Variants in EGFLAM observed in about 807,000 individuals in gnomAD.
EGFLAM encodes the protein EGF like, fibronectin type III and laminin G domains, also known as pikachurin.
A neutral mutation model predicts 113.1 loss-of-function variants in EGFLAM; 79 were observed. The ratio of observed to expected loss-of-function variants is 0.70; its 90% CI spans 0.58 to 0.84. The LOEUF (loss-of-function observed/expected upper bound fraction) is 0.84. Among genes scored for constraint, EGFLAM ranks in the 40% least tolerant of loss-of-function variants. EGFLAM has a pLI of 0.00. For synonymous variants in EGFLAM, 504 were observed against 487.6 expected, an observed-to-expected ratio of 1.03 and a Z score of -0.44; for missense variants, 1,265 against 1,291.6, an observed-to-expected ratio of 0.98 and a Z score of 0.32.
chr5:38,447,364 T>C (rs1046645986), intron 17 of EGFLAM, among the ~76,000 whole-genome samples: 1 of 152,196 alleles, frequency 6.6e-6, no homozygotes, highest in African/African-American at 2.4e-5. Context: ...AAATCCTCCA[T>C]GCTTTCTACT....
At chr5:38,375,063 T>G (rs111414300) in intron 6 of EGFLAM, among the ~76,000 whole-genome samples, 48 of 117,926 alleles carry the variant, frequency 4.1e-4, no homozygotes, top group Middle Eastern at 4.8e-3. Flanking sequence ...TGTTGTTGTT[T>G]TTTTTTTTTT....
chr5:38,431,348 C>G lies in EGFLAM; in HGVS notation c.2166+60C>G. The G allele has an allele frequency of 2.0e-6, 3 of 1,533,664 alleles. No individual in the cohort carries two copies. In the South Asian group the frequency reaches 3.6e-5, roughly 18 times the overall value. ...TGTGAGCCAGATTACTGTTTTCTGC[C>G]TGTCTTGGTAGAAAAGCAGCAGAGT... On this transcript the variant is annotated intron_variant, in intron 15 of 21. Transcript: ENST00000322350.
At chr5:38,399,734 A>G (rs1004559081) in intron 6 of EGFLAM, 1 of 152,186 alleles carries the variant, frequency 6.6e-6, no homozygotes, top group Non-Finnish European at 1.5e-5. Context: ...CATGACTGGA[A>G]CTTCAAGAGT....
intron 13 of EGFLAM, 82 bp from the exon 14 acceptor site, chr5:38,426,927 G>C: frequency 6.4e-7 from 1 of 1,560,848 alleles, no homozygotes. Context: ...CTGTACCCAG[G>C]AGGGAAAGAA....
At chr5:38,390,074 A>G (rs1314331165) in intron 6 of EGFLAM, among the ~76,000 whole-genome samples, 2 of 152,170 alleles carry the variant, frequency 1.3e-5, no homozygotes, top group African/African-American at 4.8e-5. Flanking sequence ...GTGGTAGAGA[A>G]AAAAATTACA....
intron 17 of EGFLAM, among the ~76,000 whole-genome samples, chr5:38,447,480 C>T (rs894486677): frequency 3.3e-5 from 5 of 152,104 alleles, no homozygotes; most frequent in African/African-American, 7.2e-5. Flanking sequence ...ATAGACCAGG[C>T]ACAGTGGCTC....
At chr5:38,282,879 C>T (rs1758053987) in intron 1 of EGFLAM, among the ~76,000 whole-genome samples, 1 of 152,126 alleles carries the variant, frequency 6.6e-6, no homozygotes, top group Non-Finnish European at 1.5e-5. Flanking sequence ...AGGTCTTCTT[C>T]TGTCACCCAG....
intron 5 of EGFLAM, among the ~76,000 whole-genome samples, chr5:38,358,329 C>T (rs942736793): frequency 3.3e-5 from 5 of 151,454 alleles, no homozygotes; most frequent in African/African-American, 1.2e-4. Flanking sequence ...CACCTGTAGT[C>T]CCAGCTACTC....
At chr5:38,283,503 G>A (rs1264554614) in intron 1 of EGFLAM, among the ~76,000 whole-genome samples, 1 of 152,166 alleles carries the variant, frequency 6.6e-6, no homozygotes, top group Admixed American at 6.5e-5. Flanking sequence ...CCAGGCACTG[G>A]TAGTAACAGC....
At chr5:38,327,427 G>A (rs1464362234) in intron 1 of EGFLAM, among the ~76,000 whole-genome samples, 1 of 152,132 alleles carries the variant, frequency 6.6e-6, no homozygotes, top group East Asian at 1.9e-4. Flanking sequence ...AAGAATATGG[G>A]AGAAAAATTG....
chr5:38,294,525 A>G (rs900267286), intron 1 of EGFLAM, among the ~76,000 whole-genome samples: 1 of 152,178 alleles, frequency 6.6e-6, no homozygotes, highest in Non-Finnish European at 1.5e-5. Flanking sequence ...TTGAGTTTCT[A>G]TAAGTAAATA....
intron 5 of EGFLAM, among the ~76,000 whole-genome samples, chr5:38,364,373 A>G (rs1740005139): frequency 6.6e-6 from 1 of 152,178 alleles, no homozygotes; most frequent in African/African-American, 2.4e-5. Flanking sequence ...GCAAAGAAGG[A>G]CACATCAGAG....
intron 6 of EGFLAM, among the ~76,000 whole-genome samples, chr5:38,371,120 G>A (rs1213687945): frequency 1.3e-5 from 2 of 152,216 alleles, no homozygotes; most frequent in South Asian, 2.1e-4. Flanking sequence ...ACTTTGTCAA[G>A]TCCAGCCCAT....
intron 1 of EGFLAM, among the ~76,000 whole-genome samples, chr5:38,267,767 G>A (rs1561255263): frequency 6.6e-6 from 1 of 152,164 alleles, no homozygotes; most frequent in Non-Finnish European, 1.5e-5. Flanking sequence ...CAGGAATCCA[G>A]ACTGATTAGT....
At chr5:38,459,767 C>T (rs1251562588) in intron 20 of EGFLAM, among the ~76,000 whole-genome samples, 1 of 114,198 alleles carries the variant, frequency 8.8e-6, no homozygotes, top group Non-Finnish European at 1.8e-5. Flanking sequence ...GCTGGGCCCC[C>T]AACCCCTGGC....
intron 6 of EGFLAM, among the ~76,000 whole-genome samples, chr5:38,398,933 CT>C (rs765825742): frequency 2.5e-4 from 38 of 152,084 alleles, no homozygotes; most frequent in Non-Finnish European, 4.0e-4. Context: ...TTTTGGCCCA[CT>C]TTTGAAATCA....
chr5:38,359,143 T>C (rs549369785), intron 5 of EGFLAM, among the ~76,000 whole-genome samples: 1 of 152,322 alleles, frequency 6.6e-6, no homozygotes, highest in African/African-American at 2.4e-5. Flanking sequence ...ATATATAGTA[T>C]GGTGGCAATG....
In EGFLAM at chr5:38,406,973, C is replaced by G; in HGVS notation, c.974C>G (p.Pro325Arg). 1 of 1,614,188 alleles carries G rather than the reference C, an allele frequency of 6.2e-7. No homozygotes were observed. Among genetic ancestry groups the G allele is most frequent in the Non-Finnish European group, 8.5e-7 (1 of 1,180,036 alleles). The change falls in exon 8 of 22, where the codon CCC (proline) becomes CGC (arginine). Residue 325 changes from proline (P) to arginine (R), a missense_variant. Physicochemically the swap from Pro to Arg is moderately radical, Grantham distance 103. Transcript: ENST00000322350. ...SLPVTTVAPQ[P>R]IPIQRKGKNG... ...CCTGTGACCACGGTGGCTCCCCAGC[C>G]CATTCCCATACAGAGAAAGGGGAAG...
At chr5:38,435,325 G>T in intron 16 of EGFLAM, 72 bp downstream of exon 16, 1 of 1,156,806 alleles carries the variant, frequency 8.6e-7, no homozygotes, top group Non-Finnish European at 1.3e-6. Flanking sequence ...ATTATGATCA[G>T]TGTCATCTGC....
Sources: gnomAD v4.1 joint callset for allele counts (sites outside exome capture counted in the v4.1 genomes callset) on GRCh38, gnomAD v4.1.1 for gene constraint, MANE v1.5 for transcripts, NCBI Gene and HGNC (gene_info 2026-07-23, HGNC 2026-07-21) for gene names.